The following FMN2 variants were observed in gnomAD, a reference collection of about 807,000 sequenced individuals.
The protein encoded by FMN2 is formin 2, also known as formin-2.
A neutral mutation model predicts 142.3 loss-of-function variants in FMN2; 51 were observed. The observed-to-expected ratio is 0.36, with a 90% confidence interval of 0.29 to 0.45. The LOEUF is 0.45. FMN2 is among the 20% of genes least tolerant of loss of function. The pLI, the probability that FMN2 is intolerant of heterozygous loss-of-function variation, is 1.00. For missense variants in FMN2, 1,936 were observed against 2,122.8 expected (o/e 0.91, Z 1.73); for synonymous variants, 882 against 869.8 (o/e 1.01, Z -0.25).
At chr1:240,209,964 C>T (rs890987506) in intron 5 of FMN2, among the ~76,000 whole-genome samples, 4 of 152,032 alleles carry the variant, frequency 2.6e-5, no homozygotes, top group African/African-American at 9.7e-5. Flanking sequence ...GTTTACAGTC[C>T]CATCTTGTGG....
At position 240,435,357 on chromosome 1, in the gene FMN2, A is replaced by T. The variant is rs910955947; in HGVS notation, c.4911-2704A>T. Among the ~76,000 whole-genome samples the T allele has an allele frequency of 2.0e-5, 3 of 151,958 alleles. No individual in the cohort carries two copies. The East Asian group carries it at 5.8e-4, about 29-fold the overall frequency. ...AATAATCAGAATAATTATCACTAGT[A>T]TCAGAAGCTTTTGTGCCTACTGGTA... On this transcript the variant is annotated intron_variant, in intron 15 of 17. Transcript: ENST00000319653.
chr1:240,121,316 C>T (rs1018156139), intron 1 of FMN2, among the ~76,000 whole-genome samples: 2 of 152,144 alleles, frequency 1.3e-5, no homozygotes, highest in Non-Finnish European at 2.9e-5. Context: ...AGATTGAGAA[C>T]CCCTGGGCTA....
At chr1:240,304,093 C>T (rs972521902) in intron 8 of FMN2, among the ~76,000 whole-genome samples, 3 of 151,800 alleles carry the variant, frequency 2.0e-5, no homozygotes, top group African/African-American at 7.3e-5. Flanking sequence ...TCTTGGCTTG[C>T]TTTCTTTAGT....
intron 16 of FMN2, among the ~76,000 whole-genome samples, chr1:240,444,907 C>T (rs1227221114): frequency 2.6e-5 from 4 of 152,292 alleles, no homozygotes; most frequent in African/African-American, 4.8e-5. Flanking sequence ...TATGGAATAA[C>T]GTACTTGCTG....
chr1:240,137,037 T>C (rs1277811948), intron 2 of FMN2, among the ~76,000 whole-genome samples: 1 of 121,140 alleles, frequency 8.3e-6, no homozygotes, highest in East Asian at 2.6e-4. Context: ...GCTACTGCAC[T>C]CCAGCCTGGG....
intron 2 of FMN2, among the ~76,000 whole-genome samples, chr1:240,136,522 A>G (rs1241365141): frequency 6.6e-6 from 1 of 152,198 alleles, no homozygotes; most frequent in East Asian, 1.9e-4. Context: ...GCTGTTTTAG[A>G]TATCCATTTT....
intron 2 of FMN2, among the ~76,000 whole-genome samples, chr1:240,129,543 C>T (rs1483336186): frequency 7.0e-6 from 1 of 143,800 alleles, no homozygotes; most frequent in East Asian, 2.0e-4. Context: ...GTCTCTGTCA[C>T]CCAGGCTGGA....
chr1:240,258,313 G>A (rs1230783760), intron 7 of FMN2, among the ~76,000 whole-genome samples: 1 of 152,146 alleles, frequency 6.6e-6, no homozygotes, highest in Non-Finnish European at 1.5e-5. Context: ...ACTGGTGGGT[G>A]ATAAATAAGA....
chr1:240,283,457 C>T (rs1299734933), intron 7 of FMN2, among the ~76,000 whole-genome samples: 2 of 152,120 alleles, frequency 1.3e-5, no homozygotes, highest in Non-Finnish European at 2.9e-5. Context: ...ATTTCTGGAG[C>T]CAATAAGGCA....
chr1:240,124,414 A>C (rs1662417000), intron 2 of FMN2, among the ~76,000 whole-genome samples: 1 of 152,220 alleles, frequency 6.6e-6, no homozygotes, highest in African/African-American at 2.4e-5. Flanking sequence ...ATTCACCAAG[A>C]GAGTTAATAC....
At chr1:240,327,816 TAAG>T (rs1363848040) in intron 8 of FMN2, among the ~76,000 whole-genome samples, 1 of 151,936 alleles carries the variant, frequency 6.6e-6, no homozygotes, top group African/African-American at 2.4e-5. Context: ...AGAAGACACT[TAAG>T]AAGAAAATAA....
chr1:240,333,414 T>C (rs1671445678), intron 11 of FMN2, among the ~76,000 whole-genome samples: 1 of 152,204 alleles, frequency 6.6e-6, no homozygotes, highest in African/African-American at 2.4e-5. Flanking sequence ...TTACTTAAAA[T>C]GATACTTAGC....
intron 8 of FMN2, among the ~76,000 whole-genome samples, chr1:240,319,165 G>A (rs1162285995): frequency 1.3e-5 from 2 of 152,068 alleles, no homozygotes; most frequent in Admixed American, 6.6e-5. Context: ...AGCAGAGGGA[G>A]GGAAGAGATT....
intron 16 of FMN2, among the ~76,000 whole-genome samples, chr1:240,443,261 A>G (rs1055762372): frequency 6.6e-6 from 1 of 152,244 alleles, no homozygotes; most frequent in Non-Finnish European, 1.5e-5. Context: ...AGGTGATACA[A>G]TAGACACAGA....
At chr1:240,357,740 T>C (rs1483159005) in intron 14 of FMN2, among the ~76,000 whole-genome samples, 2 of 152,014 alleles carry the variant, frequency 1.3e-5, no homozygotes, top group African/African-American at 4.8e-5. Context: ...CCCGAGTAGC[T>C]GCAATTACAG....
intron 7 of FMN2, among the ~76,000 whole-genome samples, chr1:240,274,668 G>A (rs1669132462): frequency 6.6e-6 from 1 of 152,104 alleles, no homozygotes; most frequent in African/African-American, 2.4e-5. Context: ...GGCAAGAAGA[G>A]CAGTGAGGAG....
intron 15 of FMN2, among the ~76,000 whole-genome samples, chr1:240,397,805 A>AAAAAAG (rs796632026): frequency 2.0e-5 from 3 of 150,242 alleles, no homozygotes; most frequent in African/African-American, 7.4e-5. Context: ...AAAAAAAAAA[A>AAAAAAG]AAAAAGTTAA....
chr1:240,359,314 C>A (rs1672383546), intron 14 of FMN2, among the ~76,000 whole-genome samples: 2 of 152,078 alleles, frequency 1.3e-5, no homozygotes, highest in Admixed American at 1.3e-4. Context: ...CTTACATCAG[C>A]CTCTGTGCTT....
At chr1:240,454,518 G>A (rs574904515) in intron 16 of FMN2, among the ~76,000 whole-genome samples, 6 of 152,144 alleles carry the variant, frequency 3.9e-5, no homozygotes, top group South Asian at 4.1e-4. Flanking sequence ...CTTCAGCCTC[G>A]GTGATGGAGT....
Sources: allele counts gnomAD v4.1 joint callset (sites outside exome capture counted in the v4.1 genomes callset), GRCh38; gene constraint gnomAD v4.1.1; transcripts MANE v1.5; gene names NCBI Gene and HGNC (gene_info 2026-07-23, HGNC 2026-07-21).